CLK3: variants seen among roughly 807,000 people sequenced by gnomAD.
CLK3 encodes the protein dual specificity protein kinase CLK3.
CLK3 carries 24 observed loss-of-function variants against 65.2 expected under a neutral mutation model. The observed-to-expected ratio is 0.37, with a 90% CI of 0.27 to 0.52. CLK3 has a LOEUF of 0.52. CLK3 is among the 20% of genes least tolerant of loss of function. The pLI is 0.92. For synonymous variants in CLK3, 252 were observed against 240.8 expected, an observed-to-expected ratio of 1.05 and a Z score of -0.43; for missense variants, 506 against 660.0, an observed-to-expected ratio of 0.77 and a Z score of 2.56.
chr15:74,623,047 C>T (rs1016103210), intron 5 of CLK3, among the ~76,000 whole-genome samples: 1 of 152,230 alleles, frequency 6.6e-6, no homozygotes, highest in African/African-American at 2.4e-5. Context: ...ACCAAGCAGG[C>T]TGCTGCCTTC....
At chr15:74,625,595 A>T (rs1439333224) in intron 6 of CLK3, among the ~76,000 whole-genome samples, 1 of 152,164 alleles carries the variant, frequency 6.6e-6, no homozygotes, top group Non-Finnish European at 1.5e-5. Flanking sequence ...CAGGAAGCTT[A>T]GTCCTTGCCC....
chr15:74,620,680 G>A lies in CLK3; in HGVS notation c.369+455G>A, dbSNP rs534427275. 7.8e-5 allele frequency: 13 copies of A among 166,650 alleles called. No individual in the cohort carries two copies. The East Asian group carries it at 2.0e-3, about 26-fold the overall frequency. 10.3% of individuals were successfully genotyped at this position (166,650 alleles called of 1,614,324 possible). On this transcript the variant is annotated intron_variant, in intron 3 of 12. Transcript: ENST00000395066. ...CTGCACCCACCTCTGCGTCTCATCT[G>A]CACACCCCTTCCCAAAGGCCCCCAG...
chr15:74,629,312 T>C (rs533654182), intron 12 of CLK3: 45 of 555,342 alleles, frequency 8.1e-5, no homozygotes, highest in South Asian at 3.1e-4. Flanking sequence ...CCTGTCCCTC[T>C]CTCTCCTCGA....
chr15:74,615,680 C>G (rs931761507), upstream of CLK3: 2 of 1,241,590 alleles, frequency 1.6e-6, no homozygotes, highest in Non-Finnish European at 2.0e-6. Flanking sequence ...AACTAGTCTC[C>G]TAGGCCGCGG....
chr15:74,627,882 C>T lies in CLK3; in HGVS notation c.1043-88C>T. The T allele has an allele frequency of 8.0e-7, 1 of 1,248,090 alleles. No individual in the cohort carries two copies. Among genetic ancestry groups the T allele is most frequent in the East Asian group, 2.3e-5 (1 of 43,086 alleles). The allele number at this position is 1,248,090 out of a possible 1,614,324, so 77.3% of individuals were successfully genotyped here. On this transcript the variant is annotated intron_variant, in intron 9 of 12. Coordinates refer to ENST00000395066, the MANE Select transcript of CLK3 (RefSeq NM_001130028.2). The surrounding 1 kb of genome is among the most constrained non-coding windows in gnomAD (Gnocchi z 4.3). ...TCGTACTGGGATTTGGGCAAGAGTCCTGCCAGCCGGTGTGGTGGCTGCCTT... is the reference window on the plus strand; with the variant it reads ...TCGTACTGGGATTTGGGCAAGAGTCTTGCCAGCCGGTGTGGTGGCTGCCTT...
At chr15:74,616,351 G>A (rs1321927029) in intron 1 of CLK3, among the ~76,000 whole-genome samples, 1 of 152,260 alleles carries the variant, frequency 6.6e-6, no homozygotes, top group East Asian at 1.9e-4. Context: ...CACTGGTGGC[G>A]GTTACAGGGG....
intron 12 of CLK3, 196 bp downstream of exon 12, chr15:74,629,228 C>T: frequency 1.5e-6 from 1 of 689,196 alleles, no homozygotes; most frequent in East Asian, 2.7e-5. Flanking sequence ...TTAGCCCTAC[C>T]CCTTCCCCAT....
At chr15:74,616,483 C>G (rs1252232802) in intron 1 of CLK3, among the ~76,000 whole-genome samples, 1 of 152,230 alleles carries the variant, frequency 6.6e-6, no homozygotes, top group African/African-American at 2.4e-5. Flanking sequence ...TGGGCTAGGC[C>G]AAGCTGACAG....
At chr15:74,629,214 G>T in intron 12 of CLK3, 182 bp downstream of exon 12, 1 of 700,824 alleles carries the variant, frequency 1.4e-6, no homozygotes, top group Non-Finnish European at 2.6e-6. Context: ...CCCCAGAGGG[G>T]CCCTTAGCCC....
At chr15:74,626,701 G>A (rs570111337) in intron 7 of CLK3, among the ~76,000 whole-genome samples, 2 of 152,348 alleles carry the variant, frequency 1.3e-5, no homozygotes, top group East Asian at 3.9e-4. Flanking sequence ...CTCCAGTGGA[G>A]TAGACTGCCA....
Position 74,627,016 on chromosome 15 carries a change from G to A in CLK3, c.818-336G>A, listed in dbSNP as rs760863775. ...CCCTGCAAATTATGTAGCTGGTGCA[G>A]GGAAGAGGGAACCACCTCGAGGCTG... On this transcript the variant is annotated intron_variant, in intron 7 of 12. Transcript: ENST00000395066. This position sits in a 1 kb window ranked among gnomAD's most constrained non-coding sequence, Gnocchi z 4.3. 8.2e-6 allele frequency: 4 copies of A among 489,400 alleles called. No homozygotes were observed. The highest frequency in any genetic ancestry group is 7.6e-4 in the Middle Eastern group (2 of 2,648). 30.3% of individuals were successfully genotyped at this position (489,400 alleles called of 1,614,324 possible). A position where few individuals can be genotyped will look rare whatever the true frequency, so the allele number is the denominator to read the frequency against.
At position 74,628,950 on chromosome 15, in the gene CLK3, A is replaced by G. The variant is rs756571606; in HGVS notation, c.1214A>G (p.Lys405Arg). Residue 405 changes from lysine to arginine, a missense_variant, in exon 12 of 13, where the codon AAA (lysine) becomes AGA (arginine). Physicochemically the swap from Lys to Arg is conservative, Grantham distance 26. Around this residue, in one of 2 missense-constraint regions of CLK3, gnomAD observed 325 missense variants for 500.5 expected, o/e 0.65. Coordinates refer to ENST00000395066, the MANE Select transcript of CLK3 (RefSeq NM_001130028.2). ...ACCCCCTTAATTTTCAGGAAGCAGA[A>G]ATATTTCTACAAAGGGGGCCTAGTT... ...SHMIHRTRKQ[K>R]YFYKGGLVWD... 7.4e-6 allele frequency: 12 copies of G among 1,612,576 alleles called. No homozygotes were observed. Among genetic ancestry groups the G allele is most frequent in the Admixed American group, 5.0e-5 (3 of 59,968 alleles).
intron 1 of CLK3, among the ~76,000 whole-genome samples, chr15:74,618,702 A>G (rs778925270): frequency 6.6e-6 from 1 of 152,200 alleles, no homozygotes; most frequent in African/African-American, 2.4e-5. Flanking sequence ...GGCCCTAGCC[A>G]GACAGCGTTC....
chr15:74,609,570 T>C (rs1243673744), intron 1 of CLK3, among the ~76,000 whole-genome samples: 1 of 152,216 alleles, frequency 6.6e-6, no homozygotes, highest in Admixed American at 6.5e-5. Flanking sequence ...CCCTTTCCTG[T>C]GGGGCTGCCC....
chr15:74,624,807 G>T lies in CLK3; in HGVS notation c.534-95G>T. On this transcript the variant is annotated intron_variant, in intron 5 of 12. Coordinates refer to ENST00000395066, the MANE Select transcript of CLK3 (RefSeq NM_001130028.2). The surrounding 1 kb of genome is among the most constrained non-coding windows in gnomAD (Gnocchi z 4.2). ...CTCTTCAGTGCCGGCTGCTCCTGGA[G>T]TGGTGTTTGTTGGGAGTTGCTGGGT... The T allele has an allele frequency of 1.2e-6, 1 of 843,558 alleles. No homozygotes were observed. The highest frequency in any genetic ancestry group is 2.0e-6 in the Non-Finnish European group (1 of 502,842). The allele number at this position is 843,558 out of a possible 1,614,324, so 52.3% of individuals were successfully genotyped here.
chr15:74,622,295 GC>G lies in CLK3; in HGVS notation c.466+81del. ...GACGAGACCTCTCCTGCCTGGAGGG[GC>G]CTCTAGTGCGCGTGGTGCCTTAGCG... On this transcript the variant is annotated intron_variant, in intron 4 of 12. Coordinates refer to ENST00000395066, the MANE Select transcript of CLK3 (RefSeq NM_001130028.2). This position sits in a 1 kb window ranked among gnomAD's most constrained non-coding sequence, Gnocchi z 4.6. The G allele has an allele frequency of 7.2e-7, 1 of 1,385,892 alleles. No homozygotes were observed. The highest frequency in any genetic ancestry group is 1.0e-6 in the Non-Finnish European group (1 of 991,602). 85.8% of individuals were successfully genotyped at this position (1,385,892 alleles called of 1,614,324 possible).
Position 74,621,688 on chromosome 15 carries a change from C to T in CLK3, c.370-432C>T. The T allele has an allele frequency of 3.1e-6, 1 of 327,392 alleles. No homozygotes were observed. Among genetic ancestry groups the T allele is most frequent in the African/African-American group, 2.2e-5 (1 of 46,476 alleles). 20.3% of individuals were successfully genotyped at this position (327,392 alleles called of 1,614,324 possible). The stretch of plus-strand genomic sequence containing the variant: ...AGCTGCCTTCTTGCGCCGCCGTTCT[C>T]ACTGCATCTTCCGCTCTGGCCCAAA... On this transcript the variant is annotated intron_variant, in intron 3 of 12. Transcript: ENST00000395066. This position sits in a 1 kb window ranked among gnomAD's most constrained non-coding sequence, Gnocchi z 4.8.
chr15:74,611,267 C>T (rs897869532), upstream of CLK3, among the ~76,000 whole-genome samples: 10 of 152,250 alleles, frequency 6.6e-5, no homozygotes, highest in Admixed American at 2.0e-4. Context: ...CGGAAAGCCT[C>T]CCTGAGAATA....
At position 74,627,652 on chromosome 15, in the gene CLK3, G is replaced by A. The variant is rs143391795; in HGVS notation, c.1026G>A (p.Pro342=). Residue 342 remains proline, a synonymous_variant, in exon 9 of 13, where the codon CCG becomes CCA. Transcript: ENST00000395066. The surrounding 1 kb of genome is among the most constrained non-coding windows in gnomAD (Gnocchi z 4.3). ...TTGTGGCCACCCGTCACTATCGCCC[G>A]CCTGAGGTGATCCTTGGTGAGTGAC... ...TTIVATRHYR[P]PEVILELGWA... The A allele has an allele frequency of 3.3e-5, 54 of 1,613,678 alleles. No homozygotes were observed. The East Asian group carries it at 4.5e-4, about 13-fold the overall frequency.
Sources: allele counts gnomAD v4.1 joint callset (sites outside exome capture counted in the v4.1 genomes callset), GRCh38; gene constraint gnomAD v4.1.1; regional missense constraint gnomAD v4.1.1; non-coding constraint Gnocchi (gnomAD v3.1); transcripts MANE v1.5; gene names NCBI Gene and HGNC (gene_info 2026-07-23, HGNC 2026-07-21).